The following SPATA6 variants were observed in gnomAD, a reference collection of about 807,000 sequenced individuals.
The protein encoded by SPATA6 is spermatogenesis associated 6.
In SPATA6, 56 loss-of-function variants were observed where a neutral mutation model predicts 65.3. The ratio of observed to expected loss-of-function variants is 0.86; its 90% CI spans 0.69 to 1.07. The LOEUF (loss-of-function observed/expected upper bound fraction) is 1.07. Among genes scored for constraint, SPATA6 ranks in the 50% least tolerant of loss-of-function variants. The probability of loss-of-function intolerance (pLI) is 0.00; values close to 1 mark genes in which losing one functional copy is unlikely to be tolerated. For synonymous variants in SPATA6, 199 were observed against 213.2 expected (o/e 0.93, Z 0.58); for missense variants, 590 against 594.8 (o/e 0.99, Z 0.08).
intron 12 of SPATA6, among the ~76,000 whole-genome samples, chr1:48,299,312 G>A (rs1371047046): frequency 6.6e-5 from 10 of 151,690 alleles, no homozygotes; most frequent in Non-Finnish European, 1.2e-4. Flanking sequence ...TCGGGAGTTC[G>A]AGACTAGCCA....
At chr1:48,437,041 T>C (rs1256225053) in intron 3 of SPATA6, 2 of 1,605,482 alleles carry the variant, frequency 1.2e-6, no homozygotes, top group Non-Finnish European at 1.7e-6. Context: ...GAAAAGGCCA[T>C]CAGCAAGCAG....
intron 7 of SPATA6, 128 bp downstream of exon 7, chr1:48,399,223 T>C (rs140203832): frequency 4.2e-5 from 47 of 1,108,612 alleles, no homozygotes; most frequent in Non-Finnish European, 5.7e-5. Context: ...CTTAGACTGC[T>C]AGGGTAGCAG....
intron 8 of SPATA6, among the ~76,000 whole-genome samples, chr1:48,394,401 T>C (rs1650377058): frequency 6.6e-6 from 1 of 152,114 alleles, no homozygotes; most frequent in South Asian, 2.1e-4. Flanking sequence ...TCATTTTCCA[T>C]GTCCATAAAC....
chr1:48,289,562 A>T, the SPATA6 span, among the ~76,000 whole-genome samples: 3 of 152,236 alleles, frequency 2.0e-5, no homozygotes, highest in Non-Finnish European at 4.4e-5. Context: ...AAGCTAAAGG[A>T]GGACGTTCAA....
At chr1:48,295,235 A>G (rs1351013407), downstream of SPATA6, 1 of 152,162 alleles carries the variant, frequency 6.6e-6, no homozygotes, top group Non-Finnish European at 1.5e-5. Flanking sequence ...GTCAACTCCT[A>G]GATGTATACT....
intron 12 of SPATA6, among the ~76,000 whole-genome samples, chr1:48,299,516 G>GAAAAAAAAAAAAAAAAAAAAAAAAA (rs58072004): frequency 2.6e-5 from 1 of 38,188 alleles, no homozygotes; most frequent in Non-Finnish European, 4.8e-5. Flanking sequence ...CTCCGTCTCG[G>GAAAAAAAAAAAAAAAAAAAAAAAAA]AAAAAAAAAA....
chr1:48,317,104 G>A (rs1011783189), intron 11 of SPATA6, among the ~76,000 whole-genome samples: 12 of 152,252 alleles, frequency 7.9e-5, no homozygotes, highest in African/African-American at 2.9e-4. Flanking sequence ...TTCAACGATT[G>A]TGGAGGTCAG....
chr1:48,339,325 G>A (rs1352695546), intron 11 of SPATA6, among the ~76,000 whole-genome samples: 8 of 151,894 alleles, frequency 5.3e-5, no homozygotes, highest in South Asian at 2.1e-4. Flanking sequence ...AGCCTTTGAC[G>A]CTACCTGCCT....
chr1:48,312,027 G>T (rs114908039), intron 11 of SPATA6, among the ~76,000 whole-genome samples: 3 of 151,966 alleles, frequency 2.0e-5, no homozygotes, highest in Non-Finnish European at 4.4e-5. Flanking sequence ...GGGGAGGGGC[G>T]CCCATTGCCC....
rs1644796540 is a variant in SPATA6 at position 48,295,387 on chromosome 1, GGATT to G, written c.*3322_*3325del. ...ACAAAATGTGGTATATTCATATGAT[GGATT>G]ATTATTTAGTAATAAAAAGGAATGA... On this transcript the variant is annotated 3_prime_UTR_variant, in exon 13 of 13. Coordinates refer to ENST00000371847, the MANE Select transcript of SPATA6 (RefSeq NM_019073.4). The G allele has an allele frequency of 6.6e-6, 1 of 152,064 alleles. No homozygotes were observed. The highest frequency in any genetic ancestry group is 1.5e-5 in the Non-Finnish European group (1 of 68,010). The allele number at this position is 152,064 out of a possible 1,614,324, so 9.4% of individuals were successfully genotyped here.
At chr1:48,400,905 T>C (rs559626167) in intron 6 of SPATA6, 28 of 1,043,562 alleles carry the variant, frequency 2.7e-5, no homozygotes, top group East Asian at 2.3e-4. Context: ...CCCATCTCTG[T>C]GACATCACAG....
intron 11 of SPATA6, among the ~76,000 whole-genome samples, chr1:48,329,680 C>T (rs902017631): frequency 2.0e-5 from 3 of 152,104 alleles, no homozygotes; most frequent in Non-Finnish European, 4.4e-5. Context: ...TGCTGCAGGC[C>T]GCTCATATGA....
chr1:48,470,746 G>C (rs1658177661), intron 1 of SPATA6, among the ~76,000 whole-genome samples: 1 of 152,168 alleles, frequency 6.6e-6, no homozygotes, highest in Non-Finnish European at 1.5e-5. Flanking sequence ...CACGGGTTAA[G>C]TGGAGCCTGG....
At chr1:48,306,295 A>T (rs767843936) in intron 11 of SPATA6, among the ~76,000 whole-genome samples, 4 of 151,996 alleles carry the variant, frequency 2.6e-5, no homozygotes, top group Non-Finnish European at 5.9e-5. Flanking sequence ...CCTATGACTT[A>T]CAAAGGAAAT....
At chr1:48,459,895 AT>A (rs1657298225) in intron 1 of SPATA6, among the ~76,000 whole-genome samples, 2 of 152,246 alleles carry the variant, frequency 1.3e-5, no homozygotes, top group South Asian at 4.1e-4. Flanking sequence ...AGAAGAAATT[AT>A]AAGACAAATT....
chr1:48,323,347 T>C (rs1340488448), intron 11 of SPATA6, among the ~76,000 whole-genome samples: 3 of 149,734 alleles, frequency 2.0e-5, no homozygotes, highest in Non-Finnish European at 3.0e-5. Flanking sequence ...ATGTTCTCAC[T>C]CATATGTGGG....
intron 3 of SPATA6, among the ~76,000 whole-genome samples, chr1:48,427,790 T>C (rs1234003710): frequency 6.6e-6 from 1 of 152,136 alleles, no homozygotes; most frequent in Non-Finnish European, 1.5e-5. Context: ...TGCTGAGGTA[T>C]GGGTTTCTAT....
At chr1:48,453,760 G>A (rs1656784364) in intron 1 of SPATA6, among the ~76,000 whole-genome samples, 1 of 151,942 alleles carries the variant, frequency 6.6e-6, no homozygotes, top group Non-Finnish European at 1.5e-5. Flanking sequence ...ATTTTCCCTT[G>A]TTTACCATGT....
At chr1:48,425,042 G>T (rs942685869) in intron 3 of SPATA6, among the ~76,000 whole-genome samples, 1 of 152,152 alleles carries the variant, frequency 6.6e-6, no homozygotes, top group African/African-American at 2.4e-5. Flanking sequence ...TGCTTGAGGG[G>T]TAGTGCTCAA....
Sources: allele counts gnomAD v4.1 joint callset (sites outside exome capture counted in the v4.1 genomes callset), GRCh38; gene constraint gnomAD v4.1.1; transcripts MANE v1.5; gene names NCBI Gene and HGNC (gene_info 2026-07-23, HGNC 2026-07-21).